The following HOATZ variants were observed in gnomAD, a reference collection of about 807,000 sequenced individuals.
HOATZ encodes cilia- and flagella-associated protein HOATZ.
HOATZ carries 26 observed loss-of-function variants against 24.9 expected under a neutral mutation model. The ratio of observed to expected loss-of-function variants is 1.04; its 90% CI spans 0.76 to 1.45. The LOEUF is 1.45. HOATZ is among the 40% of genes most tolerant of loss of function. The probability of loss-of-function intolerance (pLI) is 0.00; values close to 1 mark genes in which losing one functional copy is unlikely to be tolerated. For missense variants in HOATZ, 226 were observed against 201.5 expected (o/e 1.12, Z -0.74); for synonymous variants, 83 against 76.6 (o/e 1.08, Z -0.43).
chr11:111,521,304 T>C (rs539076463), intron 3 of HOATZ, among the ~76,000 whole-genome samples: 1 of 152,322 alleles, frequency 6.6e-6, no homozygotes, highest in South Asian at 2.1e-4. Flanking sequence ...GTGGAAAACT[T>C]TTTAACATTA....
intron 1 of HOATZ, among the ~76,000 whole-genome samples, 189 bp from the exon 2 acceptor site, chr11:111,515,322 A>G (rs1179354943): frequency 6.6e-6 from 1 of 152,190 alleles, no homozygotes; most frequent in Admixed American, 6.5e-5. Context: ...TTTAATTCAA[A>G]CATGAAAAGC....
intron 3 of HOATZ, among the ~76,000 whole-genome samples, chr11:111,518,825 C>T (rs1402737454): frequency 1.3e-5 from 2 of 152,180 alleles, no homozygotes; most frequent in Non-Finnish European, 2.9e-5. Context: ...CCCCATTTAC[C>T]TTCAAGGCCT....
At chr11:111,533,719 C>T (rs1591558970) in intron 3 of HOATZ, 27 bp from the exon 4 acceptor site, 2 of 1,542,256 alleles carry the variant, frequency 1.3e-6, no homozygotes, top group Non-Finnish European at 1.8e-6. Flanking sequence ...TGAATCGAGA[C>T]ACCCACTTTT....
At chr11:111,525,236 C>G (rs1252996208) in intron 3 of HOATZ, among the ~76,000 whole-genome samples, 1 of 152,060 alleles carries the variant, frequency 6.6e-6, no homozygotes, top group Non-Finnish European at 1.5e-5. Context: ...AAGAAAAACC[C>G]TATAAGTTAT....
rs763093889 is a variant in HOATZ, at chr11:111,536,755, T to G, written c.453-15T>G. On this transcript the variant is annotated splice_polypyrimidine_tract_variant and intron_variant, in intron 5 of 5. Transcript: ENST00000375618. ...AGTTCTGTGTATTGGAACTGACTGA[T>G]ATTACTACCAACAGGAAAGTGGTAT... 18 of 1,605,636 alleles carry G rather than the reference T, an allele frequency of 1.1e-5. No individual in the cohort carries two copies. The highest frequency in any genetic ancestry group is 2.7e-5 in the African/African-American group (2 of 74,866).
In HOATZ at chr11:111,516,419, G is replaced by C. The variant is rs567165750; in HGVS notation, c.339+309G>C. ...ATACAGTGTTCTAAGAACAGAAATAGCATAAGAGGCCAGGTGCAGTAGTAC... is the reference window on the plus strand; with the variant it reads ...ATACAGTGTTCTAAGAACAGAAATACCATAAGAGGCCAGGTGCAGTAGTAC... On this transcript the variant is annotated intron_variant, in intron 3 of 5. Coordinates refer to ENST00000375618, the MANE Select transcript of HOATZ (RefSeq NM_001100388.2). 2.6e-5 allele frequency among the ~76,000 whole-genome samples: 4 copies of C among 152,128 alleles called. No homozygotes were observed. The East Asian group carries it at 7.7e-4, about 29-fold the overall frequency.
chr11:111,521,365 A>G (rs1159740156), intron 3 of HOATZ, among the ~76,000 whole-genome samples: 2 of 152,336 alleles, frequency 1.3e-5, no homozygotes, highest in South Asian at 4.1e-4. Context: ...ACTTTGAATC[A>G]TTATAAGTCA....
intron 3 of HOATZ, among the ~76,000 whole-genome samples, chr11:111,533,205 G>A (rs1473461468): frequency 6.6e-6 from 1 of 152,220 alleles, no homozygotes; most frequent in Non-Finnish European, 1.5e-5. Flanking sequence ...GCAATTTAGT[G>A]TGATGGTCAA....
At chr11:111,522,427 T>C (rs927669729) in intron 3 of HOATZ, among the ~76,000 whole-genome samples, 1 of 152,190 alleles carries the variant, frequency 6.6e-6, no homozygotes, top group Non-Finnish European at 1.5e-5. Context: ...AGAATAACCA[T>C]GGCACATCTG....
intron 3 of HOATZ, chr11:111,519,108 T>C (rs902261380): frequency 2.2e-6 from 1 of 449,020 alleles, no homozygotes; most frequent in African/African-American, 2.0e-5. Flanking sequence ...GCAAGTGGTT[T>C]AACTCCTGGG....
At chr11:111,532,193 T>C (rs1443489920) in intron 3 of HOATZ, among the ~76,000 whole-genome samples, 1 of 152,148 alleles carries the variant, frequency 6.6e-6, no homozygotes, top group African/African-American at 2.4e-5. Context: ...GAAACTATTG[T>C]CTTCTGCTAC....
chr11:111,523,041 C>T (rs1265962393), intron 3 of HOATZ, among the ~76,000 whole-genome samples: 8 of 151,996 alleles, frequency 5.3e-5, no homozygotes, highest in Admixed American at 3.9e-4. Context: ...GCCAACATCG[C>T]GCCATTTAGC....
chr11:111,521,576 A>C (rs1867269334), intron 3 of HOATZ, among the ~76,000 whole-genome samples: 1 of 152,186 alleles, frequency 6.6e-6, no homozygotes, highest in South Asian at 2.1e-4. Context: ...CCTTTCCTCC[A>C]TAAAAGGAAT....
chr11:111,534,449 A>G lies in HOATZ; in HGVS notation c.437A>G (p.Lys146Arg). The G allele has an allele frequency of 6.2e-7, 1 of 1,610,988 alleles. No homozygotes were observed. The highest frequency in any genetic ancestry group is 1.1e-5 in the South Asian group (1 of 90,988). The change falls in exon 5 of 6, where the codon AAA becomes AGA. Residue 146 changes from lysine (K) to arginine (R), a missense_variant. Coordinates refer to ENST00000375618, the MANE Select transcript of HOATZ (RefSeq NM_001100388.2). ...TCCCTTCCGTATAAACCAAAAGCCA[A>G]AGAACACAAAGCAAAGTAAGTTTAC... ...LISLPYKPKA[K>R]EHKAKKVVSE...
intron 3 of HOATZ, among the ~76,000 whole-genome samples, chr11:111,520,158 G>A (rs1355099269): frequency 6.6e-6 from 1 of 151,960 alleles, no homozygotes; most frequent in Non-Finnish European, 1.5e-5. Flanking sequence ...GAGTCCTAAA[G>A]TAGTCTGAAA....
intron 5 of HOATZ, 183 bp from the exon 6 acceptor site, chr11:111,536,587 A>C: frequency 1.9e-6 from 1 of 519,090 alleles, no homozygotes; most frequent in Non-Finnish European, 3.5e-6. Context: ...TCCAAACCAC[A>C]CTTCACAATA....
At chr11:111,524,576 G>T (rs1867312209) in intron 3 of HOATZ, among the ~76,000 whole-genome samples, 1 of 152,076 alleles carries the variant, frequency 6.6e-6, no homozygotes, top group South Asian at 2.1e-4. Flanking sequence ...ACCAAAGAGA[G>T]GCTTGGCCAA....
At chr11:111,515,608 T>C (rs560507006) in intron 2 of HOATZ, 56 bp downstream of exon 2, 1 of 1,407,856 alleles carries the variant, frequency 7.1e-7, no homozygotes, top group African/African-American at 1.4e-5. Context: ...CATCAGAAAA[T>C]AGACAATAAG....
At chr11:111,531,416 A>G (rs1565253043) in intron 3 of HOATZ, among the ~76,000 whole-genome samples, 1 of 152,220 alleles carries the variant, frequency 6.6e-6, no homozygotes. Context: ...GTGGCAACTA[A>G]GAGACAAAGC....
Sources: allele counts gnomAD v4.1 joint callset (sites outside exome capture counted in the v4.1 genomes callset), GRCh38; gene constraint gnomAD v4.1.1; transcripts MANE v1.5; gene names NCBI Gene and HGNC (gene_info 2026-07-23, HGNC 2026-07-21).